The following PLIN2 variants were observed in gnomAD, a reference collection of about 807,000 sequenced individuals.
PLIN2 encodes the protein perilipin-2.
In PLIN2, 33 loss-of-function variants were observed where a neutral mutation model predicts 30.6. The observed-to-expected ratio is 1.08, with a 90% CI of 0.82 to 1.44. The LOEUF is 1.44. Ranked by LOEUF, PLIN2 falls within the 40% of genes most tolerant of loss-of-function variation. PLIN2 has a pLI of 0.00. For missense variants in PLIN2, 610 were observed against 531.8 expected (o/e 1.15, Z -1.45); for synonymous variants, 205 against 201.1 (o/e 1.02, Z -0.16).
downstream of PLIN2, among the ~76,000 whole-genome samples, chr9:19,111,148 C>G (rs1332160301): frequency 1.3e-5 from 2 of 152,066 alleles, no homozygotes; most frequent in African/African-American, 4.8e-5. Flanking sequence ...ACCTTCGCCT[C>G]CCAGGTTCAA....
chr9:19,108,430 A>T (rs1818119464), exon 3 of PLIN2: 1 of 152,236 alleles, frequency 6.6e-6, no homozygotes, highest in Non-Finnish European at 1.5e-5. Context: ...TAATTATATT[A>T]AATGATTATA....
rs202052120 is a variant in PLIN2 at position 19,116,242 on chromosome 9, G to A, written c.*6C>T. 1.9e-6 allele frequency: 3 copies of A among 1,567,098 alleles called. No homozygotes were observed. Among genetic ancestry groups the A allele is most frequent in the East Asian group, 2.3e-5 (1 of 44,348 alleles). On this transcript the variant is annotated 3_prime_UTR_variant, in exon 8 of 8. Transcript: ENST00000276914. ...GCCACAGCATGCACTAGTGATAGGG[G>A]CAGGTTTAATGAGTTTTATGCTCAG...
chr9:19,119,777 T>C lies in PLIN2; in HGVS notation c.650A>G (p.Tyr217Cys). 1 of 1,606,292 alleles carries C rather than the reference T, an allele frequency of 6.2e-7. No homozygotes were observed. The highest frequency in any genetic ancestry group is 8.5e-7 in the Non-Finnish European group (1 of 1,174,504). ...GGTAGACAGGGATCCCAGTCTAACATAATAACTTGGCTTCTGAACCAGATC... is the reference window on the plus strand; with the variant it reads ...GGTAGACAGGGATCCCAGTCTAACACAATAACTTGGCTTCTGAACCAGATC... ...GFDLVQKPSY[Y>C]VRLGSLSTKL... Residue 217 changes from tyrosine (Y) to cysteine (C), a missense_variant, in exon 6 of 8, where the codon TAT becomes TGT. Transcript: ENST00000276914.
downstream of PLIN2, among the ~76,000 whole-genome samples, chr9:19,113,854 A>G (rs2131174049): frequency 6.7e-6 from 1 of 149,624 alleles, no homozygotes; most frequent in South Asian, 2.1e-4. Flanking sequence ...AGCTCACTGC[A>G]ACCTCCACCT....
downstream of PLIN2, among the ~76,000 whole-genome samples, chr9:19,113,774 G>GTT (rs35017527): frequency 2.4e-4 from 31 of 131,374 alleles, no homozygotes; most frequent in East Asian, 1.1e-3. Flanking sequence ...GTTATTTTTG[G>GTT]TTTTTTTTTT....
At chr9:19,117,609 C>T (rs1320594134) in intron 7 of PLIN2, among the ~76,000 whole-genome samples, 3 of 151,290 alleles carry the variant, frequency 2.0e-5, no homozygotes, top group Non-Finnish European at 4.4e-5. Flanking sequence ...AGATAGTCTT[C>T]CCATATGTTT....
chr9:19,126,395 A>C lies in PLIN2; in HGVS notation c.30+2T>G, dbSNP rs1366512565. ...TAGACAAAGGCTACTCAAAATTCATACCGGTTGTGGATCAACTGCAACGGA... is the reference window on the plus strand; with the variant it reads ...TAGACAAAGGCTACTCAAAATTCATCCCGGTTGTGGATCAACTGCAACGGA... On this transcript the variant is annotated splice_donor_variant, in intron 2 of 7. Coordinates refer to ENST00000276914, the MANE Select transcript of PLIN2 (RefSeq NM_001122.4). LOFTEE classifies it high-confidence loss of function. The C allele has an allele frequency of 6.2e-7, 1 of 1,613,980 alleles. No homozygotes were observed. The highest frequency in any genetic ancestry group is 2.2e-5 in the East Asian group (1 of 44,884).
At chr9:19,120,006 T>G (rs966027109) in intron 5 of PLIN2, among the ~76,000 whole-genome samples, 175 bp from the exon 6 acceptor site, 2 of 152,098 alleles carry the variant, frequency 1.3e-5, no homozygotes, top group East Asian at 1.9e-4. Flanking sequence ...CCTGAACATA[T>G]TACTGTATCT....
intron 3 of PLIN2, 38 bp from the exon 4 acceptor site, chr9:19,123,685 T>C (rs1401720886): frequency 6.5e-7 from 1 of 1,539,032 alleles, no homozygotes; most frequent in Non-Finnish European, 9.0e-7. Context: ...TGTAGTACTA[T>C]AGGTATAGAA....
At chr9:19,118,699 C>T (rs1818268160) in intron 6 of PLIN2, among the ~76,000 whole-genome samples, 1 of 152,120 alleles carries the variant, frequency 6.6e-6, no homozygotes, top group South Asian at 2.1e-4. Context: ...CAGTTTAGCA[C>T]AGGTAAAGCA....
rs537861405 is a variant in PLIN2, at chr9:19,126,134, A to T, written c.206T>A (p.Ile69Asn). The change falls in exon 3 of 8, where the codon ATC becomes AAC. Residue 69 changes from isoleucine to asparagine, a missense_variant. Physicochemically the swap from Ile to Asn is moderately radical, Grantham distance 149. Transcript: ENST00000276914. ...SVAMTSALPIIQKLEPQIAVA... is the reference protein window; with the variant it reads ...SVAMTSALPINQKLEPQIAVA... ...CTCACTTTGCGGCTCTAGCTTCTGG[A>T]TGATGGGCAGAGCACTGGTCATGGC... 6.2e-7 allele frequency: 1 copy of T among 1,613,936 alleles called. No individual in the cohort carries two copies.
chr9:19,118,767 C>G (rs1371901281), intron 6 of PLIN2, among the ~76,000 whole-genome samples: 1 of 152,208 alleles, frequency 6.6e-6, no homozygotes, highest in Non-Finnish European at 1.5e-5. Context: ...GGCTGAAGTA[C>G]AGTGGCGCGA....
intron 2 of PLIN2, among the ~76,000 whole-genome samples, chr9:19,109,378 C>CGCT (rs1818129765): frequency 6.6e-6 from 1 of 150,840 alleles, no homozygotes; most frequent in Admixed American, 6.6e-5. Context: ...CACGGTGGAA[C>CGCT]GCTGTCTCTA....
chr9:19,116,722 G>A, intron 7 of PLIN2, 73 bp from the exon 8 acceptor site: 13 of 1,276,826 alleles, frequency 1.0e-5, no homozygotes, highest in African/African-American at 1.5e-5. Flanking sequence ...ACAGTAGGCT[G>A]GTTATGTGTC....
chr9:19,118,280 C>G (rs1379916808), intron 7 of PLIN2, 41 bp downstream of exon 7: 1 of 1,544,064 alleles, frequency 6.5e-7, no homozygotes, highest in Admixed American at 2.1e-5. Flanking sequence ...CTGATAAGAA[C>G]TTCTTCAGCA....
chr9:19,110,675 C>T (rs950817273), intron 2 of PLIN2, among the ~76,000 whole-genome samples: 3 of 152,076 alleles, frequency 2.0e-5, no homozygotes, highest in African/African-American at 7.2e-5. Context: ...GGGATTTCAC[C>T]ATGTTGGCAA....
intron 3 of PLIN2, 101 bp downstream of exon 3, chr9:19,126,013 G>T: frequency 1.1e-6 from 1 of 877,370 alleles, no homozygotes; most frequent in Non-Finnish European, 1.8e-6. Context: ...GGCAGTGTAT[G>T]CCCCAGGAAG....
Position 19,120,944 on chromosome 9 carries a change from TTCTACGCCACTGC to T in PLIN2, c.518_530del (p.Ser173LysfsTer11). ...ACAGCTCTGATTTGGTGAGTGCATT[TTCTACGCCACTGC>T]TCACGAGCTGCATCATCCGACTCCC... On this transcript the variant is annotated frameshift_variant, in exon 5 of 8. Coordinates refer to ENST00000276914, the MANE Select transcript of PLIN2 (RefSeq NM_001122.4). LOFTEE classifies it high-confidence loss of function. 6.2e-7 allele frequency: 1 copy of T among 1,614,138 alleles called. No homozygotes were observed.
chr9:19,119,234 T>C lies in PLIN2; in HGVS notation c.777+416A>G, dbSNP rs189487799. 2.0e-5 allele frequency among the ~76,000 whole-genome samples: 3 copies of C among 152,360 alleles called. No individual in the cohort carries two copies. The East Asian group carries it at 5.8e-4, about 29-fold the overall frequency. On this transcript the variant is annotated intron_variant, in intron 6 of 7. Coordinates refer to ENST00000276914, the MANE Select transcript of PLIN2 (RefSeq NM_001122.4). The stretch of plus-strand genomic sequence containing the variant: ...TCCTGTTAGTGGATGTGCATTGTTA[T>C]AGTCTCTTGCAACTTTAAACAAATA...
Sources: allele counts gnomAD v4.1 joint callset (sites outside exome capture counted in the v4.1 genomes callset), GRCh38; gene constraint gnomAD v4.1.1; transcripts MANE v1.5; gene names NCBI Gene and HGNC (gene_info 2026-07-23, HGNC 2026-07-21).